The following NRXN3 variants were observed in gnomAD, a reference collection of about 807,000 sequenced individuals.
The protein encoded by NRXN3 is neurexin 3, also known as neurexin III.
NRXN3 carries 32 observed loss-of-function variants against 137.6 expected under a neutral mutation model. That is an observed-to-expected ratio of 0.23 (90% confidence interval 0.18 to 0.31). NRXN3 has a LOEUF of 0.31. NRXN3 is among the 10% of genes least tolerant of loss of function. The pLI is 1.00. For synonymous variants in NRXN3, 798 were observed against 784.5 expected, an observed-to-expected ratio of 1.02 and a Z score of -0.29; for missense variants, 1,574 against 2,062.5, an observed-to-expected ratio of 0.76 and a Z score of 4.59.
At chr14:78,839,198 G>T (rs1204639847) in intron 10 of NRXN3, among the ~76,000 whole-genome samples, 1 of 152,292 alleles carries the variant, frequency 6.6e-6, no homozygotes, top group East Asian at 1.9e-4. Context: ...TGGCCATGGA[G>T]CATCACGAAA....
chr14:79,132,573 G>T (rs536031365), intron 15 of NRXN3, among the ~76,000 whole-genome samples: 12 of 152,082 alleles, frequency 7.9e-5, no homozygotes, highest in Non-Finnish European at 1.6e-4. Context: ...TTATATATTT[G>T]CTTTGCATTA....
intron 4 of NRXN3, among the ~76,000 whole-genome samples, chr14:78,334,755 G>T (rs909536898): frequency 5.9e-5 from 9 of 152,232 alleles, no homozygotes; most frequent in Middle Eastern, 3.4e-3. Flanking sequence ...CTCTCAGTGG[G>T]GATGGGTAGT....
chr14:78,219,162 G>A (rs1020023456), intron 1 of NRXN3, among the ~76,000 whole-genome samples: 7 of 151,880 alleles, frequency 4.6e-5, no homozygotes, highest in Non-Finnish European at 1.0e-4. Flanking sequence ...GGTGGGAGGG[G>A]GGATGCAGTT....
intron 10 of NRXN3, among the ~76,000 whole-genome samples, chr14:78,858,556 G>C (rs1269587747): frequency 2.0e-5 from 3 of 152,156 alleles, no homozygotes; most frequent in East Asian, 1.9e-4. Context: ...CCAAAAAGAT[G>C]TAAGTAAAGG....
At chr14:79,387,098 A>G (rs1352003606) in intron 15 of NRXN3, among the ~76,000 whole-genome samples, 1 of 152,110 alleles carries the variant, frequency 6.6e-6, no homozygotes, top group Non-Finnish European at 1.5e-5. Context: ...CAAAATTGAC[A>G]AATGGGATCT....
At chr14:78,428,246 C>G (rs1350970325) in intron 4 of NRXN3, among the ~76,000 whole-genome samples, 3 of 152,192 alleles carry the variant, frequency 2.0e-5, no homozygotes, top group African/African-American at 7.2e-5. Context: ...TAATCAGTTT[C>G]TGTTCCCTTG....
chr14:78,475,340 G>A (rs2095360534), intron 4 of NRXN3, among the ~76,000 whole-genome samples: 1 of 152,186 alleles, frequency 6.6e-6, no homozygotes, highest in African/African-American at 2.4e-5. Context: ...TACAATAGAT[G>A]TGTTAACACA....
At chr14:79,140,596 TG>T (rs2058699172) in intron 15 of NRXN3, among the ~76,000 whole-genome samples, 1 of 151,860 alleles carries the variant, frequency 6.6e-6, no homozygotes, top group Non-Finnish European at 1.5e-5. Context: ...TGTGTGTGTG[TG>T]TGTGTGTGTG....
intron 4 of NRXN3, among the ~76,000 whole-genome samples, chr14:78,349,566 T>C (rs1005096712): frequency 2.6e-5 from 4 of 152,220 alleles, no homozygotes; most frequent in Admixed American, 6.5e-5. Flanking sequence ...GGATTGTGTG[T>C]CACTCATTTT....
intron 20 of NRXN3, among the ~76,000 whole-genome samples, chr14:79,825,703 G>A (rs2099295641): frequency 6.6e-6 from 1 of 152,150 alleles, no homozygotes; most frequent in Admixed American, 6.5e-5. Context: ...AGATTTTCAT[G>A]TTATATAGTC....
At chr14:79,609,878 C>A (rs1433667090) in intron 16 of NRXN3, among the ~76,000 whole-genome samples, 1 of 151,438 alleles carries the variant, frequency 6.6e-6, no homozygotes, top group African/African-American at 2.4e-5. Flanking sequence ...TGGTCTCACT[C>A]ATAAGTGGGA....
chr14:79,142,599 G>C (rs1596427252), intron 15 of NRXN3, among the ~76,000 whole-genome samples: 1 of 152,158 alleles, frequency 6.6e-6, no homozygotes, highest in Non-Finnish European at 1.5e-5. Flanking sequence ...TGCATGCCAG[G>C]TTAAGAAGTT....
At chr14:78,273,837 A>G (rs1202984375) in intron 2 of NRXN3, among the ~76,000 whole-genome samples, 1 of 152,176 alleles carries the variant, frequency 6.6e-6, no homozygotes, top group Admixed American at 6.5e-5. Flanking sequence ...TTATTTTCTC[A>G]TACTGATGGG....
At chr14:79,621,266 G>T (rs2098221187) in intron 16 of NRXN3, among the ~76,000 whole-genome samples, 1 of 152,300 alleles carries the variant, frequency 6.6e-6, no homozygotes, top group Admixed American at 6.5e-5. Flanking sequence ...ACCCAACTAT[G>T]CCGGGCACTT....
intron 15 of NRXN3, among the ~76,000 whole-genome samples, chr14:79,026,201 A>G (rs1288710165): frequency 6.6e-6 from 1 of 152,186 alleles, no homozygotes; most frequent in Non-Finnish European, 1.5e-5. Context: ...TTTTATATTC[A>G]TATAATGCTC....
intron 15 of NRXN3, among the ~76,000 whole-genome samples, chr14:79,029,625 A>T (rs540305578): frequency 6.6e-6 from 1 of 152,272 alleles, no homozygotes; most frequent in African/African-American, 2.4e-5. Flanking sequence ...GGATTGTACT[A>T]TGCATTATAG....
At chr14:78,520,776 T>A (rs1227180850) in intron 4 of NRXN3, among the ~76,000 whole-genome samples, 1 of 152,176 alleles carries the variant, frequency 6.6e-6, no homozygotes, top group Non-Finnish European at 1.5e-5. Context: ...CTGGATAGGT[T>A]GGAAGGTTGT....
At chr14:79,320,465 C>T (rs1447634663) in intron 15 of NRXN3, among the ~76,000 whole-genome samples, 11 of 152,120 alleles carry the variant, frequency 7.2e-5, no homozygotes, top group Non-Finnish European at 8.8e-5. Flanking sequence ...AAGATGATAC[C>T]GCTATTGGAA....
rs560469905 is a variant in NRXN3 at position 79,515,883 on chromosome 14, G to A, written c.3444+48481G>A. ...AATACATATGCTATCTAAAGAGGTG[G>A]CTTCTTTCCCTTCTGGGGGATTTAT... On this transcript the variant is annotated intron_variant, in intron 16 of 20. Transcript: ENST00000335750. Among the ~76,000 whole-genome samples the A allele has an allele frequency of 2.6e-4, 39 of 152,248 alleles. No individual in the cohort carries two copies. The South Asian group carries it at 8.1e-3, about 32-fold the overall frequency.
Sources: allele counts gnomAD v4.1 joint callset (sites outside exome capture counted in the v4.1 genomes callset), GRCh38; gene constraint gnomAD v4.1.1; transcripts MANE v1.5; gene names NCBI Gene and HGNC (gene_info 2026-07-23, HGNC 2026-07-21).